Variants in DOC2B observed in about 807,000 individuals in gnomAD.
DOC2B encodes the protein double C2-like domain-containing protein beta.
DOC2B carries 21 observed loss-of-function variants against 28.9 expected under a neutral mutation model. That is an observed-to-expected ratio of 0.73 (90% CI 0.52 to 1.05). DOC2B has a LOEUF of 1.05. DOC2B is among the 50% of genes least tolerant of loss of function. The pLI is 0.00. For missense variants in DOC2B, 384 were observed against 421.1 expected, an observed-to-expected ratio of 0.91 and a Z score of 0.77; for synonymous variants, 194 against 178.1, an observed-to-expected ratio of 1.09 and a Z score of -0.71.
In DOC2B at chr17:143,865, G is replaced by A. The variant is rs1335733889; in HGVS notation, c.*3576C>T. 6.6e-6 allele frequency: 1 copy of A among 152,238 alleles called. No homozygotes were observed. Among genetic ancestry groups the A allele is most frequent in the Non-Finnish European group, 1.5e-5 (1 of 68,048 alleles). The allele number at this position is 152,238 out of a possible 1,614,324, so 9.4% of individuals were successfully genotyped here. A position where few individuals can be genotyped will look rare whatever the true frequency, so the allele number is the denominator to read the frequency against. On this transcript the variant is annotated 3_prime_UTR_variant, in exon 9 of 9. Transcript: ENST00000613549. The stretch of plus-strand genomic sequence containing the variant: ...TCACATGGCAGCAAAACGGGGTTAA[G>A]CAGTGCACGAGAGTCTGCGTCGACG...
chr17:172,638 G>T (rs1320168904), intron 1 of DOC2B, 22 bp from the exon 2 acceptor site: 4 of 1,540,130 alleles, frequency 2.6e-6, no homozygotes, highest in South Asian at 2.4e-5. Flanking sequence ...GGAGGGCACA[G>T]GTCCCACCCT....
At position 172,567 on chromosome 17, in the gene DOC2B, G is replaced by A. The variant is rs576589254; in HGVS notation, c.423C>T (p.Asn141=). Residue 141 remains asparagine, a synonymous_variant, in exon 2 of 9, where the codon AAC becomes AAT. Transcript: ENST00000613549. The part of the protein sequence containing the change: ...DFSLLYDQEN[N]ALHCTITKAK... ...CCTTGGTGATGGTGCAGTGGAGGGC[G>A]TTGTTCTCCTGGTCATACAGCAGGC... The A allele has an allele frequency of 1.9e-4, 301 of 1,551,132 alleles. No individual in the cohort carries two copies. Among genetic ancestry groups the A allele is most frequent in the South Asian group, 1.6e-3 (138 of 84,042 alleles).
chr17:173,325 C>T (rs759129440), intron 1 of DOC2B, among the ~76,000 whole-genome samples: 3 of 152,134 alleles, frequency 2.0e-5, no homozygotes, highest in Non-Finnish European at 4.4e-5. Context: ...GCAGAAGCGG[C>T]TCCCAGCATG....
In DOC2B at chr17:147,469, T is replaced by A. The variant is rs999548661; in HGVS notation, c.1211A>T (p.Glu404Val). 68 of 398,740 alleles carry A rather than the reference T, an allele frequency of 1.7e-4. No homozygotes were observed. Among genetic ancestry groups the A allele is most frequent in the Non-Finnish European group, 2.6e-4 (58 of 226,162 alleles). The allele number at this position is 398,740 out of a possible 1,614,324, so 24.7% of individuals were successfully genotyped here. The change falls in exon 9 of 9, where the codon GAG becomes GTG. Residue 404 changes from glutamate (E) to valine (V), a missense_variant. Coordinates refer to ENST00000613549, the MANE Select transcript of DOC2B (RefSeq NM_003585.5). ...GTCGCTGAGCACAGCCCCTGGGAGC[T>A]CGCTGGTGAGCGTGTGCCAGCGCTC... The part of the protein sequence containing the change: ...RIERWHTLTS[E>V]LPGAVLSD
intron 4 of DOC2B, 105 bp from the exon 5 acceptor site, chr17:161,646 C>G (rs2040206116): frequency 1.3e-6 from 2 of 1,504,638 alleles, no homozygotes; most frequent in Non-Finnish European, 1.8e-6. Context: ...GCCCCAAGCC[C>G]TGCCCTGGTC....
At chr17:165,551 G>T (rs2151469507) in intron 2 of DOC2B, among the ~76,000 whole-genome samples, 1 of 152,172 alleles carries the variant, frequency 6.6e-6, no homozygotes, top group Middle Eastern at 3.4e-3. Flanking sequence ...TGGAGTGAGA[G>T]GGAGGGAGAC....
rs1555522506 is a variant in DOC2B at position 156,314 on chromosome 17, T to C, written c.829A>G (p.Ser277Gly). ...ACCAGCAGGCCTTGCTTCTGTGAGC[T>C]GTACTTGAGGGAGATGAGGATGCGG... ...RGRILISLKY[S>G]SQKQGLLVGI... Residue 277 changes from serine to glycine, a missense_variant, in exon 6 of 9, where the codon AGC becomes GGC. Ser to Gly is a moderately conservative substitution (Grantham distance 56, BLOSUM62 0). Transcript: ENST00000613549. The C allele has an allele frequency of 7.1e-6, 11 of 1,551,564 alleles. No homozygotes were observed. The highest frequency in any genetic ancestry group is 4.9e-5 in the East Asian group (2 of 40,928).
At chr17:162,240 G>C in intron 3 of DOC2B, 50 bp from the exon 4 acceptor site, 2 of 1,384,668 alleles carry the variant, frequency 1.4e-6, no homozygotes, top group Non-Finnish European at 2.0e-6. Context: ...GTATCAAACA[G>C]AACAATGGCC....
At chr17:153,058 G>A (rs1427315314) in intron 6 of DOC2B, among the ~76,000 whole-genome samples, 1 of 152,160 alleles carries the variant, frequency 6.6e-6, no homozygotes, top group African/African-American at 2.4e-5. Context: ...AGCAGCCGTC[G>A]TGTCTCACCC....
intron 1 of DOC2B, among the ~76,000 whole-genome samples, chr17:179,863 C>T (rs2040417015): frequency 6.6e-6 from 1 of 152,274 alleles, no homozygotes; most frequent in Non-Finnish European, 1.5e-5. Flanking sequence ...AGGCAGTTTC[C>T]CCTACAGGGG....
chr17:150,436 G>A (rs977453445), intron 6 of DOC2B, among the ~76,000 whole-genome samples: 9 of 151,876 alleles, frequency 5.9e-5, no homozygotes, highest in South Asian at 4.2e-4. Context: ...TGAAGGCACC[G>A]CCCAAAGACA....
chr17:153,843 G>T (rs2040100315), intron 6 of DOC2B, among the ~76,000 whole-genome samples: 1 of 151,992 alleles, frequency 6.6e-6, no homozygotes, highest in Admixed American at 6.5e-5. Context: ...TGTGTCGTTT[G>T]TTGTGTTTTC....
rs1046932060 is a variant in DOC2B, at chr17:149,599, G to A, written c.924-407C>T. 6.6e-5 allele frequency among the ~76,000 whole-genome samples: 10 copies of A among 151,846 alleles called. No individual in the cohort carries two copies. The South Asian group carries it at 1.7e-3, about 25-fold the overall frequency. On this transcript the variant is annotated intron_variant, in intron 6 of 8. Transcript: ENST00000613549. ...TGGCTGACTGCAACCTCTGCCTCCCGGGTTCAAGTGATTCTCCTGCCTCAG... is the reference window on the plus strand; with the variant it reads ...TGGCTGACTGCAACCTCTGCCTCCCAGGTTCAAGTGATTCTCCTGCCTCAG...
chr17:158,636 T>TCAGGC (rs1480868966), intron 5 of DOC2B, among the ~76,000 whole-genome samples: 1 of 152,210 alleles, frequency 6.6e-6, no homozygotes, highest in Non-Finnish European at 1.5e-5. Context: ...TCCTGGTGGA[T>TCAGGC]CAGGCCAGGC....
chr17:175,354 T>C lies in DOC2B; in HGVS notation c.374-2738A>G, dbSNP rs570943177. 3.9e-5 allele frequency among the ~76,000 whole-genome samples: 6 copies of C among 152,322 alleles called. No homozygotes were observed. In the East Asian group the frequency reaches 1.2e-3, roughly 29 times the overall value. ...TCAGCTGCCTGCATGCTAGCTGCCA[T>C]CTCCACACCAGGCAGGTGAGGCTGC... On this transcript the variant is annotated intron_variant, in intron 1 of 8. Transcript: ENST00000613549.
rs1430684132 is a variant in DOC2B at position 147,274 on chromosome 17, T to G, written c.*167A>C. The G allele has an allele frequency of 2.5e-6, 1 of 395,424 alleles. No homozygotes were observed. 24.5% of individuals were successfully genotyped at this position (395,424 alleles called of 1,614,324 possible). A position where few individuals can be genotyped will look rare whatever the true frequency, so the allele number is the denominator to read the frequency against. ...CTTGCCCTCCCCGTCCCAGAGTGGC[T>G]GAGCCCTCCACATCCTCCGAGCGGG... On this transcript the variant is annotated 3_prime_UTR_variant, in exon 9 of 9. Transcript: ENST00000613549.
rs553866651 is a variant in DOC2B, at chr17:156,800, A to G, written c.766-423T>C. On this transcript the variant is annotated intron_variant, in intron 5 of 8. Transcript: ENST00000613549. Reference sequence around the variant, plus strand: ...CACTATTTTGCCCAGGCTGATCTCAAACTCCTGGGCTCAAGGGATCTTCCC... The same window carrying G: ...CACTATTTTGCCCAGGCTGATCTCAGACTCCTGGGCTCAAGGGATCTTCCC... 4.6e-5 allele frequency among the ~76,000 whole-genome samples: 7 copies of G among 152,336 alleles called. No individual in the cohort carries two copies. In the East Asian group the frequency reaches 9.6e-4, roughly 21 times the overall value.
intron 5 of DOC2B, 113 bp from the exon 6 acceptor site, chr17:156,490 C>T (rs907829935): frequency 1.1e-5 from 14 of 1,219,548 alleles, no homozygotes; most frequent in African/African-American, 1.5e-5. Flanking sequence ...GGCCTGGTCA[C>T]GGTCCCTGGT....
At position 161,496 on chromosome 17, in the gene DOC2B, G is replaced by A. The variant is rs1555523233; in HGVS notation, c.684C>T (p.Ile228=). The A allele has an allele frequency of 1.1e-5, 17 of 1,551,576 alleles. No homozygotes were observed. The highest frequency in any genetic ancestry group is 1.4e-5 in the African/African-American group (1 of 73,038). The change falls in exon 5 of 9, where the codon ATC becomes ATT. Residue 228 remains isoleucine, a synonymous_variant. Coordinates refer to ENST00000613549, the MANE Select transcript of DOC2B (RefSeq NM_003585.5). ...DEDKFRHNEF[I]GETRVPLKKL... ...TCTTCAGGGGCACACGTGTCTCCCC[G>A]ATGAACTCATTGTGCCGGAATTTGT...
Sources: allele counts gnomAD v4.1 joint callset (sites outside exome capture counted in the v4.1 genomes callset), GRCh38; gene constraint gnomAD v4.1.1; transcripts MANE v1.5; gene names NCBI Gene and HGNC (gene_info 2026-07-23, HGNC 2026-07-21).